LTBP2: variants seen among roughly 807,000 people sequenced by gnomAD.
LTBP2 encodes latent-transforming growth factor beta-binding protein 2.
LTBP2 carries 103 observed loss-of-function variants against 210.6 expected under a neutral mutation model. The ratio of observed to expected loss-of-function variants is 0.49; its 90% CI spans 0.42 to 0.58. LTBP2 has a LOEUF of 0.58. Ranked by LOEUF, LTBP2 falls within the 20% of genes least tolerant of loss-of-function variation. The probability of loss-of-function intolerance (pLI) is 0.00; values close to 1 mark genes in which losing one functional copy is unlikely to be tolerated. For missense variants in LTBP2, 2,313 were observed against 2,494.5 expected (o/e 0.93, Z 1.55); for synonymous variants, 1,007 against 1,015.0 (o/e 0.99, Z 0.15).
intron 2 of LTBP2, among the ~76,000 whole-genome samples, chr14:74,591,997 TG>T (rs2088289315): frequency 6.6e-6 from 1 of 152,100 alleles, no homozygotes; most frequent in African/African-American, 2.4e-5. Flanking sequence ...CTTGGAAAAA[TG>T]AAAAGCTGGC....
chr14:74,546,352 G>A (rs556499248), intron 8 of LTBP2, among the ~76,000 whole-genome samples: 1 of 152,160 alleles, frequency 6.6e-6, no homozygotes, highest in African/African-American at 2.4e-5. Flanking sequence ...AAGCTTCCTT[G>A]TCATCCCCAC....
chr14:74,589,699 T>C (rs753841734), intron 2 of LTBP2, among the ~76,000 whole-genome samples: 3 of 152,178 alleles, frequency 2.0e-5, no homozygotes, highest in East Asian at 1.9e-4. Context: ...ACTGGAAACA[T>C]GGTCAGCTGG....
At chr14:74,517,375 C>T (rs201590037) in intron 17 of LTBP2, among the ~76,000 whole-genome samples, 173 of 151,958 alleles carry the variant, frequency 1.1e-3, no homozygotes, top group East Asian at 5.0e-3. Flanking sequence ...TTTATTGAGA[C>T]GGAGTTTCGC....
rs2086893806 is a variant in LTBP2, at chr14:74,500,158, C to T, written c.*726G>A. 4.3e-6 allele frequency: 1 copy of T among 234,690 alleles called. No individual in the cohort carries two copies. Among genetic ancestry groups the T allele is most frequent in the Admixed American group, 5.5e-5 (1 of 18,102 alleles). 14.5% of individuals were successfully genotyped at this position (234,690 alleles called of 1,614,324 possible). A position where few individuals can be genotyped will look rare whatever the true frequency, so the allele number is the denominator to read the frequency against. Reference sequence around the variant, plus strand: ...TCTTTAGACGTATAAAGCCTTGGCTCCCCTTTCTCATCAACTCCACGTATT... The same window carrying T: ...TCTTTAGACGTATAAAGCCTTGGCTTCCCTTTCTCATCAACTCCACGTATT... On this transcript the variant is annotated 3_prime_UTR_variant, in exon 36 of 36. Coordinates refer to ENST00000261978, the MANE Select transcript of LTBP2 (RefSeq NM_000428.3).
At chr14:74,522,728 T>C in intron 16 of LTBP2, 62 bp downstream of exon 16, 3 of 1,552,900 alleles carry the variant, frequency 1.9e-6, no homozygotes, top group Non-Finnish European at 2.6e-6. Flanking sequence ...CAACTCGGCC[T>C]CTTAGCCCCT....
At chr14:74,593,266 C>A (rs1289481397) in intron 2 of LTBP2, among the ~76,000 whole-genome samples, 1 of 152,152 alleles carries the variant, frequency 6.6e-6, no homozygotes, top group Non-Finnish European at 1.5e-5. Context: ...CCCCTCCCGA[C>A]CACCCCATGC....
chr14:74,587,555 G>A (rs887273043), intron 2 of LTBP2, among the ~76,000 whole-genome samples: 1 of 151,632 alleles, frequency 6.6e-6, no homozygotes, highest in African/African-American at 2.4e-5. Context: ...AGACCAGGCT[G>A]TGGAGGCTGG....
intron 8 of LTBP2, among the ~76,000 whole-genome samples, chr14:74,540,665 T>C (rs1314675168): frequency 2.7e-5 from 4 of 146,516 alleles, no homozygotes; most frequent in Non-Finnish European, 4.5e-5. Flanking sequence ...CTTGGGAGGC[T>C]GAGGCAGGAG....
chr14:74,515,090 G>C (rs2087118190), intron 18 of LTBP2, among the ~76,000 whole-genome samples: 1 of 152,260 alleles, frequency 6.6e-6, no homozygotes, highest in South Asian at 2.1e-4. Context: ...GTATGTGCCA[G>C]ACGGTGCCTA....
At chr14:74,540,580 A>G (rs1595262903) in intron 8 of LTBP2, among the ~76,000 whole-genome samples, 2 of 150,528 alleles carry the variant, frequency 1.3e-5, no homozygotes, top group Middle Eastern at 6.8e-3. Context: ...CCTGGCTAAC[A>G]TGATGAAACC....
At chr14:74,514,922 C>G (rs542426948) in intron 18 of LTBP2, among the ~76,000 whole-genome samples, 8 of 152,278 alleles carry the variant, frequency 5.3e-5, no homozygotes, top group Admixed American at 1.3e-4. Flanking sequence ...CTCGGAGTGT[C>G]TGCCCTGGGC....
At chr14:74,600,010 T>C (rs192165496) in intron 2 of LTBP2, among the ~76,000 whole-genome samples, 1 of 152,244 alleles carries the variant, frequency 6.6e-6, no homozygotes, top group Admixed American at 6.5e-5. Context: ...ATTGGCAGTC[T>C]CTGCCCCAGC....
chr14:74,524,391 AC>A (rs2087244692), intron 15 of LTBP2, among the ~76,000 whole-genome samples: 1 of 151,692 alleles, frequency 6.6e-6, no homozygotes, highest in Non-Finnish European at 1.5e-5. Context: ...GAAATCCAGA[AC>A]CCCCTGACCA....
At chr14:74,549,768 G>T in intron 8 of LTBP2, 95 bp downstream of exon 8, 1 of 1,017,662 alleles carries the variant, frequency 9.8e-7, no homozygotes, top group Non-Finnish European at 1.6e-6. Context: ...CTACCTGCCT[G>T]GCCTCTGACA....
chr14:74,522,683 G>C, intron 16 of LTBP2, 107 bp downstream of exon 16: 1 of 1,352,458 alleles, frequency 7.4e-7, no homozygotes, highest in South Asian at 1.4e-5. Flanking sequence ...CAACCACCCA[G>C]CACTGCTTGG....
At position 74,522,801 on chromosome 14, in the gene LTBP2, G is replaced by A. The variant is rs770919649; in HGVS notation, c.2648C>T (p.Ala883Val). 9.9e-6 allele frequency: 16 copies of A among 1,610,898 alleles called. No individual in the cohort carries two copies. Among genetic ancestry groups the A allele is most frequent in the Non-Finnish European group, 1.3e-5 (15 of 1,178,752 alleles). The stretch of plus-strand genomic sequence containing the variant: ...ACCCAAGTGAATACCTGTGCAGTAG[G>A]CCTGGCTGGGGTGCAGCTGGTAGCC... ...SPGYQLHPSQ[A>V]YCTDDNECLR... Residue 883 changes from alanine (A) to valine (V), a missense_variant, in exon 16 of 36, where the codon GCC becomes GTC. Transcript: ENST00000261978.
intron 17 of LTBP2, among the ~76,000 whole-genome samples, chr14:74,517,260 A>T (rs1449418719): frequency 6.6e-6 from 1 of 152,138 alleles, no homozygotes; most frequent in Non-Finnish European, 1.5e-5. Flanking sequence ...CAGTCCATAC[A>T]GTATAAACTG....
intron 1 of LTBP2, among the ~76,000 whole-genome samples, chr14:74,607,706 C>G (rs2088545433): frequency 6.6e-6 from 1 of 152,224 alleles, no homozygotes; most frequent in Admixed American, 6.5e-5. Context: ...TCTCACTTAT[C>G]TAAGTTTAAA....
intron 3 of LTBP2, among the ~76,000 whole-genome samples, chr14:74,567,319 T>A (rs73297931): frequency 0.011 from 1,617 of 152,294 alleles, 42 homozygotes; most frequent in African/African-American, 0.037. Context: ...GCAGCCAGCC[T>A]TTAGGCTGCC....
Sources: gnomAD v4.1 joint callset for allele counts (sites outside exome capture counted in the v4.1 genomes callset) on GRCh38, gnomAD v4.1.1 for gene constraint, MANE v1.5 for transcripts, NCBI Gene and HGNC (gene_info 2026-07-23, HGNC 2026-07-21) for gene names.